The following PCDHA6 variants were observed in gnomAD, a reference collection of about 807,000 sequenced individuals.
The protein encoded by PCDHA6 is protocadherin alpha-6.
A neutral mutation model predicts 60.3 loss-of-function variants in PCDHA6; 55 were observed. That is an observed-to-expected ratio of 0.91 (90% CI 0.73 to 1.14). The LOEUF (loss-of-function observed/expected upper bound fraction) is 1.14, where lower values mean the gene tolerates loss of function less well. PCDHA6 is among the 50% of genes most tolerant of loss of function. PCDHA6 has a pLI of 0.00. For synonymous variants in PCDHA6, 652 were observed against 557.9 expected, an observed-to-expected ratio of 1.17 and a Z score of -2.38; for missense variants, 1,327 against 1,256.5, an observed-to-expected ratio of 1.06 and a Z score of -0.85.
At chr5:140,913,028 T>C (rs1483903035) in intron 1 of PCDHA6, among the ~76,000 whole-genome samples, 1 of 152,232 alleles carries the variant, frequency 6.6e-6, no homozygotes, top group Non-Finnish European at 1.5e-5. Flanking sequence ...TCAATATTCA[T>C]CAGATATATT....
At chr5:141,006,305 G>A (rs548520638) in intron 3 of PCDHA6, among the ~76,000 whole-genome samples, 25 of 151,934 alleles carry the variant, frequency 1.6e-4, no homozygotes, top group Admixed American at 5.2e-4. Context: ...TCCACTTCCC[G>A]GGTTCATGCC....
intron 1 of PCDHA6, among the ~76,000 whole-genome samples, chr5:140,954,491 T>C (rs1554221443): frequency 6.6e-6 from 1 of 152,264 alleles, no homozygotes; most frequent in Non-Finnish European, 1.5e-5. Flanking sequence ...TATTTCATTG[T>C]GGTTTTGATT....
chr5:140,847,780 T>C (rs1554141908), intron 1 of PCDHA6: 1 of 149,906 alleles, frequency 6.7e-6, no homozygotes, highest in Non-Finnish European at 1.5e-5. Context: ...TTCTCGCTTT[T>C]CTTGCAATAT....
rs2150462015 is a variant in PCDHA6 at position 140,849,990 on chromosome 5, T to G, written c.2394+19505T>G. On this transcript the variant is annotated intron_variant, in intron 1 of 3. Coordinates refer to ENST00000529310, the MANE Select transcript of PCDHA6 (RefSeq NM_018909.4). ...GTCCTACTCGCTGGTGGAGCGGCGGTTGGGCGAGCGCTCGCTGTCGAGCTA... is the reference window on the plus strand; with the variant it reads ...GTCCTACTCGCTGGTGGAGCGGCGGGTGGGCGAGCGCTCGCTGTCGAGCTA... 9.1e-5 allele frequency: 145 copies of G among 1,596,718 alleles called. 14 individuals carry two copies. The highest frequency in any genetic ancestry group is 5.1e-4 in the Admixed American group (30 of 59,270).
chr5:140,854,000 CA>C (rs112540154), intron 1 of PCDHA6: 19,868 of 339,900 alleles, frequency 0.058, 122 homozygotes, highest in Non-Finnish European at 0.062. Context: ...TCATCTCTGC[CA>C]AAAAAAAAAA....
chr5:140,888,210 T>G (rs1395913579), intron 1 of PCDHA6, among the ~76,000 whole-genome samples: 1 of 152,080 alleles, frequency 6.6e-6, no homozygotes, highest in East Asian at 1.9e-4. Context: ...ATGCTGGATT[T>G]TGTGTGTGTG....
At chr5:140,842,832 T>C in intron 1 of PCDHA6, 2 of 1,593,838 alleles carry the variant, frequency 1.3e-6, no homozygotes, top group East Asian at 2.2e-5. Flanking sequence ...GAGCGCTCGC[T>C]GTCGAGCTAC....
At chr5:140,976,454 G>A (rs550788004) in intron 1 of PCDHA6, among the ~76,000 whole-genome samples, 18 of 152,214 alleles carry the variant, frequency 1.2e-4, no homozygotes, top group South Asian at 2.1e-4. Flanking sequence ...GGGAGGCTGG[G>A]GAAGAAGAAT....
chr5:140,944,419 T>C (rs2093656334), intron 1 of PCDHA6, among the ~76,000 whole-genome samples: 2 of 152,184 alleles, frequency 1.3e-5, no homozygotes, highest in South Asian at 4.1e-4. Flanking sequence ...ACTCCTGATC[T>C]GAAGTGGTCT....
intron 1 of PCDHA6, chr5:140,875,191 C>A: frequency 4.0e-6 from 2 of 502,492 alleles, no homozygotes; most frequent in Non-Finnish European, 6.4e-6. Flanking sequence ...TAAGAGTGAC[C>A]CAGGAAGTGG....
intron 1 of PCDHA6, among the ~76,000 whole-genome samples, chr5:140,901,420 C>G (rs2153473414): frequency 6.6e-6 from 1 of 152,248 alleles, no homozygotes; most frequent in East Asian, 1.9e-4. Context: ...TAGTTTCATT[C>G]CTCTGCATAT....
intron 1 of PCDHA6, among the ~76,000 whole-genome samples, chr5:140,908,762 C>T (rs962553584): frequency 7.9e-5 from 12 of 152,104 alleles, no homozygotes; most frequent in Admixed American, 2.6e-4. Flanking sequence ...ACAGCCTGGA[C>T]GTGTTGTAGA....
chr5:140,830,203 C>T lies in PCDHA6; in HGVS notation c.2112C>T (p.Ile704=). 1 of 1,613,778 alleles carries T rather than the reference C, an allele frequency of 6.2e-7. No homozygotes were observed. The highest frequency in any genetic ancestry group is 8.5e-7 in the Non-Finnish European group (1 of 1,179,900). ...TCAACGTGTACCTGATCATCGCCATCTGCGCGGTATCCAGCCTGCTGGTCC... is the reference window on the plus strand; with the variant it reads ...TCAACGTGTACCTGATCATCGCCATTTGCGCGGTATCCAGCCTGCTGGTCC... ...VDVNVYLIIA[I]CAVSSLLVLT... is the part of the protein sequence containing the mutation. The change falls in exon 1 of 4, where the codon ATC becomes ATT. Residue 704 remains isoleucine (I), a synonymous_variant. Transcript: ENST00000529310.
Position 140,848,175 on chromosome 5 carries a change from A to C in PCDHA6, c.2394+17690A>C, listed in dbSNP as rs1003138626. The C allele has an allele frequency of 1.1e-4, 28 of 264,776 alleles. 3 individuals are homozygous for C. The highest frequency in any genetic ancestry group is 1.8e-4 in the Non-Finnish European group (25 of 138,828). 16.4% of individuals were successfully genotyped at this position (264,776 alleles called of 1,614,324 possible). On this transcript the variant is annotated intron_variant, in intron 1 of 3. Transcript: ENST00000529310. ...AGTCTGCTAAGAAGGCTCCAGCAAG[A>C]GAAACGGGATCTTCTGTTTCAACAA...
chr5:140,927,265 C>G lies in PCDHA6; in HGVS notation c.2395-51684C>G, dbSNP rs2084026948. The G allele has an allele frequency of 6.2e-7, 1 of 1,614,168 alleles. No individual in the cohort carries two copies. Among genetic ancestry groups the G allele is most frequent in the Non-Finnish European group, 8.5e-7 (1 of 1,180,038 alleles). On this transcript the variant is annotated intron_variant, in intron 1 of 3. Coordinates refer to ENST00000529310, the MANE Select transcript of PCDHA6 (RefSeq NM_018909.4). ...CACCAATGACAACTCACCTCTCTTTCCTGCCGGCGACGTGCAGCTGCACAT... is the reference window on the plus strand; with the variant it reads ...CACCAATGACAACTCACCTCTCTTTGCTGCCGGCGACGTGCAGCTGCACAT...
chr5:140,856,440 G>C, intron 1 of PCDHA6: 2 of 1,598,404 alleles, frequency 1.3e-6, no homozygotes, highest in East Asian at 2.2e-5. Context: ...AACCCGCCCA[G>C]GTTCTCCGTA....
At chr5:140,907,519 C>A (rs1378450434) in intron 1 of PCDHA6, among the ~76,000 whole-genome samples, 3 of 152,184 alleles carry the variant, frequency 2.0e-5, no homozygotes, top group Non-Finnish European at 4.4e-5. Flanking sequence ...CCAGTGAGGA[C>A]AAATCGCTGC....
At chr5:140,965,609 G>T (rs568507618) in intron 1 of PCDHA6, among the ~76,000 whole-genome samples, 9 of 151,736 alleles carry the variant, frequency 5.9e-5, no homozygotes, top group Admixed American at 2.0e-4. Context: ...TGAAGACATT[G>T]TCATCCATTA....
At chr5:140,982,237 G>T (rs2096973071) in intron 2 of PCDHA6, 1 of 665,404 alleles carries the variant, frequency 1.5e-6, no homozygotes, top group East Asian at 3.5e-5. Context: ...AAACAGAATT[G>T]CCATAAAGAT....
Sources: gnomAD v4.1 joint callset for allele counts (sites outside exome capture counted in the v4.1 genomes callset) on GRCh38, gnomAD v4.1.1 for gene constraint, MANE v1.5 for transcripts, NCBI Gene and HGNC (gene_info 2026-07-23, HGNC 2026-07-21) for gene names.